The following NFIX variants were observed in gnomAD, a reference collection of about 807,000 sequenced individuals.
NFIX encodes the protein nuclear factor I X.
Under a neutral mutation model 53.3 loss-of-function variants are expected in NFIX, and 2 were observed. The ratio of observed to expected loss-of-function variants is 0.04; its 90% CI spans 0.02 to 0.12. The LOEUF (loss-of-function observed/expected upper bound fraction) is 0.12, where lower values mean the gene tolerates loss of function less well. NFIX is among the 10% of genes least tolerant of loss of function. The pLI, the probability that NFIX is intolerant of heterozygous loss-of-function variation, is 1.00. For synonymous variants in NFIX, 244 were observed against 289.0 expected, an observed-to-expected ratio of 0.84 and a Z score of 1.58; for missense variants, 310 against 674.5, an observed-to-expected ratio of 0.46 and a Z score of 5.99.
chr19:13,092,003 C>T (rs565426389), intron 10 of NFIX, among the ~76,000 whole-genome samples: 17 of 152,292 alleles, frequency 1.1e-4, no homozygotes, highest in African/African-American at 3.8e-4. Context: ...GGAGTCCCAG[C>T]GGGGGTCCAG....
intron 1 of NFIX, among the ~76,000 whole-genome samples, chr19:13,017,269 GGC>G (rs1437135448): frequency 6.6e-6 from 1 of 152,146 alleles, no homozygotes; most frequent in Admixed American, 6.5e-5. Flanking sequence ...TCTCTGCAGG[GGC>G]TAGACACCAG....
Position 13,065,865 on chromosome 19 carries a change from C to T in NFIX, c.560-7182C>T, listed in dbSNP as rs544393286. Reference sequence around the variant, plus strand: ...ACCAGAAGAACTCCCTGGAGGGCTCCGGGGCCACTTGCTGGGGATGGAAGG... The same window carrying T: ...ACCAGAAGAACTCCCTGGAGGGCTCTGGGGCCACTTGCTGGGGATGGAAGG... On this transcript the variant is annotated intron_variant, in intron 2 of 10. Coordinates refer to ENST00000592199, the MANE Select transcript of NFIX (RefSeq NM_001365902.3). Among the ~76,000 whole-genome samples, 8 of 152,236 alleles carry T rather than the reference C, an allele frequency of 5.3e-5. No individual in the cohort carries two copies. The South Asian group carries it at 8.3e-4, about 16-fold the overall frequency.
rs1286165808 is a variant in NFIX, at chr19:13,088,444, AG to A, written c.1402+313del. Reference sequence around the variant, plus strand: ...GGCCAGGGGTGCTGGCGGGGGTGGGAGGGGGCGGGGAGGCACAGCCATGCCA... The same window carrying A: ...GGCCAGGGGTGCTGGCGGGGGTGGGAGGGGCGGGGAGGCACAGCCATGCCA... On this transcript the variant is annotated intron_variant, in intron 9 of 10. Transcript: ENST00000592199. This position sits in a 1 kb window ranked among gnomAD's most constrained non-coding sequence, Gnocchi z 5.9. Among the ~76,000 whole-genome samples the A allele has an allele frequency of 4.1e-5, 6 of 145,710 alleles. No homozygotes were observed. The East Asian group carries it at 8.1e-4, about 20-fold the overall frequency.
intron 1 of NFIX, among the ~76,000 whole-genome samples, chr19:13,019,161 T>A (rs1249112872): frequency 6.6e-6 from 1 of 152,044 alleles, no homozygotes; most frequent in African/African-American, 2.4e-5. Flanking sequence ...AAAGTGGCCC[T>A]GTCTTAAAAT....
rs772435667 is a variant in NFIX at position 13,078,669 on chromosome 19, C to G, written c.1012C>G (p.Gln338Glu). 4 of 1,599,474 alleles carry G rather than the reference C, an allele frequency of 2.5e-6. No homozygotes were observed. The highest frequency in any genetic ancestry group is 3.4e-5 in the Admixed American group (2 of 58,108). The change falls in exon 7 of 11, where the codon CAG (glutamine) becomes GAG (glutamate). Residue 338 changes from glutamine (Q) to glutamate (E), a missense_variant. Coordinates refer to ENST00000592199, the MANE Select transcript of NFIX (RefSeq NM_001365902.3). This position sits in a 1 kb window ranked among gnomAD's most constrained non-coding sequence, Gnocchi z 4.7. ...KLDFCSALSS[Q>E]GSSPRMAFTH... The stretch of plus-strand genomic sequence containing the variant: ...GGACTTCTGCAGTGCCCTCTCCTCT[C>G]AGGGCAGCTCCCCGCGCATGGCTTT...
At chr19:13,064,507 G>A (rs568697622) in intron 2 of NFIX, among the ~76,000 whole-genome samples, 1 of 152,330 alleles carries the variant, frequency 6.6e-6, no homozygotes, top group South Asian at 2.1e-4. Context: ...ACCGTTGGAT[G>A]GCTATTGCAC....
chr19:13,041,718 C>T (rs980213929), intron 2 of NFIX, among the ~76,000 whole-genome samples: 9 of 150,052 alleles, frequency 6.0e-5, no homozygotes, highest in East Asian at 2.0e-4. Context: ...CACTTGAACC[C>T]GGGAGGCAGA....
At chr19:12,999,843 G>A (rs1037640902) in intron 1 of NFIX, among the ~76,000 whole-genome samples, 7 of 152,190 alleles carry the variant, frequency 4.6e-5, no homozygotes, top group Non-Finnish European at 8.8e-5. Context: ...TCCCTGCTCC[G>A]GCCTGGTGCC....
chr19:13,096,029 G>C lies in NFIX; in HGVS notation c.*1380G>C, dbSNP rs2018427587. On this transcript the variant is annotated 3_prime_UTR_variant, in exon 11 of 11. Transcript: ENST00000592199. The stretch of plus-strand genomic sequence containing the variant: ...CCCCCCCAGCCCCCTCCTCCCTCAA[G>C]GGAGGGTTGGGGGGCCTGTCCAGAG... The C allele has an allele frequency of 6.6e-6, 1 of 152,440 alleles. No homozygotes were observed. The highest frequency in any genetic ancestry group is 1.5e-5 in the Non-Finnish European group (1 of 68,084). 9.4% of individuals were successfully genotyped at this position (152,440 alleles called of 1,614,324 possible). A position where few individuals can be genotyped will look rare whatever the true frequency, so the allele number is the denominator to read the frequency against.
rs2145307762 is a variant in NFIX, at chr19:13,049,216, GCA to G, written c.559+23666_559+23667del. On this transcript the variant is annotated intron_variant, in intron 2 of 10. Transcript: ENST00000592199. This position sits in a 1 kb window ranked among gnomAD's most constrained non-coding sequence, Gnocchi z 4.5. ...TGCAGCAAGCGATGATCACACTACT[GCA>G]CTCCAGCCTGGGCAGGCAACAGAGT... Among the ~76,000 whole-genome samples, 1 of 152,048 alleles carries G rather than the reference GCA, an allele frequency of 6.6e-6. No individual in the cohort carries two copies. Among genetic ancestry groups the G allele is most frequent in the South Asian group, 2.1e-4 (1 of 4,808 alleles).
chr19:13,076,932 G>A (rs2017137859), intron 6 of NFIX, among the ~76,000 whole-genome samples: 1 of 152,150 alleles, frequency 6.6e-6, no homozygotes, highest in African/African-American at 2.4e-5. Context: ...TCTGTGAGAA[G>A]GCTTCCTTGC....
chr19:13,073,788 T>C lies in NFIX; in HGVS notation c.698-118T>C. 3 of 1,391,134 alleles carry C rather than the reference T, an allele frequency of 2.2e-6. No homozygotes were observed. The highest frequency in any genetic ancestry group is 3.0e-6 in the Non-Finnish European group (3 of 1,009,858). The allele number at this position is 1,391,134 out of a possible 1,614,324, so 86.2% of individuals were successfully genotyped here. ...AGCCCAGATGGCCCACTTTCTCCCA[T>C]CTCCTGGCCCCACAGTAAACTCACC... On this transcript the variant is annotated intron_variant, in intron 4 of 10. Transcript: ENST00000592199. The surrounding 1 kb of genome is among the most constrained non-coding windows in gnomAD (Gnocchi z 4.5).
At chr19:13,074,159 G>GGCTCTAACACTTT (rs891465358) in intron 5 of NFIX, 133 bp downstream of exon 5, 9 of 1,188,840 alleles carry the variant, frequency 7.6e-6, no homozygotes, top group Non-Finnish European at 9.6e-6. Flanking sequence ...TGAGGGCACT[G>GGCTCTAACACTTT]GCTCTAACAC....
intron 1 of NFIX, chr19:13,023,934 T>TCCCCCCCCCCCCC: frequency 4.0e-6 from 2 of 495,982 alleles, no homozygotes; most frequent in Non-Finnish European, 7.2e-6. Context: ...CCCCTGCTCC[T>TCCCCCCCCCCCCC]CCTCCTCCCC....
At chr19:13,008,151 G>A (rs371648226) in intron 1 of NFIX, among the ~76,000 whole-genome samples, 4 of 152,298 alleles carry the variant, frequency 2.6e-5, no homozygotes, top group African/African-American at 4.8e-5. Flanking sequence ...GTGGGGTTTC[G>A]CCATGTTGGG....
chr19:13,026,245 C>T (rs951258220), intron 2 of NFIX, among the ~76,000 whole-genome samples: 1 of 152,100 alleles, frequency 6.6e-6, no homozygotes, highest in African/African-American at 2.4e-5. Context: ...CTCCTTATTT[C>T]AGCTAAAGTG....
At position 13,073,682 on chromosome 19, in the gene NFIX, C is replaced by T. The variant is rs1442344069; in HGVS notation, c.697+186C>T. 6.6e-6 allele frequency among the ~76,000 whole-genome samples: 1 copy of T among 152,132 alleles called. No homozygotes were observed. Among genetic ancestry groups the T allele is most frequent in the East Asian group, 1.9e-4 (1 of 5,180 alleles). ...TCTTCCAGAGAGGCCTGTCTCCAGTCTCCATTGCTTTGGAGGAAAAAGAAA... is the reference window on the plus strand; with the variant it reads ...TCTTCCAGAGAGGCCTGTCTCCAGTTTCCATTGCTTTGGAGGAAAAAGAAA... On this transcript the variant is annotated intron_variant, in intron 4 of 10. Transcript: ENST00000592199. This position sits in a 1 kb window ranked among gnomAD's most constrained non-coding sequence, Gnocchi z 4.5.
At chr19:13,034,994 G>A (rs574158963) in intron 2 of NFIX, among the ~76,000 whole-genome samples, 5 of 152,212 alleles carry the variant, frequency 3.3e-5, no homozygotes, top group Admixed American at 6.5e-5. Flanking sequence ...GAGTTTTAGC[G>A]GAATCTCTGG....
rs2012563207 is a variant in NFIX at position 13,014,739 on chromosome 19, T to C, written c.28-10282T>C. Among the ~76,000 whole-genome samples the C allele has an allele frequency of 6.6e-6, 1 of 152,238 alleles. No homozygotes were observed. The highest frequency in any genetic ancestry group is 1.5e-5 in the Non-Finnish European group (1 of 68,038). ...AGCCCCAGAGGAGTGCTCTTGCCAC[T>C]GGCCACAGGGCCTGGATTTGGGGAG... On this transcript the variant is annotated intron_variant, in intron 1 of 10. Transcript: ENST00000592199. This position sits in a 1 kb window ranked among gnomAD's most constrained non-coding sequence, Gnocchi z 4.4.
Sources: allele counts gnomAD v4.1 joint callset (sites outside exome capture counted in the v4.1 genomes callset), GRCh38; gene constraint gnomAD v4.1.1; non-coding constraint Gnocchi (gnomAD v3.1); transcripts MANE v1.5; gene names NCBI Gene and HGNC (gene_info 2026-07-23, HGNC 2026-07-21).